Variants in TMTC2 observed in about 807,000 individuals in gnomAD.
TMTC2 encodes transmembrane O-mannosyltransferase targeting cadherins 2.
TMTC2 carries 43 observed loss-of-function variants against 82.4 expected under a neutral mutation model. The ratio of observed to expected loss-of-function variants is 0.52; its 90% CI spans 0.41 to 0.67. The LOEUF (loss-of-function observed/expected upper bound fraction) is 0.67, where lower values mean the gene tolerates loss of function less well. TMTC2 is among the 30% of genes least tolerant of loss of function. The pLI is 0.00. For missense variants in TMTC2, 919 were observed against 1,012.4 expected, an observed-to-expected ratio of 0.91 and a Z score of 1.25; for synonymous variants, 408 against 381.9, an observed-to-expected ratio of 1.07 and a Z score of -0.80.
rs759217242 is a variant in TMTC2 at position 83,132,319 on chromosome 12, T to C, written c.2441T>C (p.Ile814Thr). ...RALQLKPDDV[I>T]TQSNLRKLWN... Reference sequence around the variant, plus strand: ...CTGCAGCTCAAGCCAGACGATGTCATCACACAGTCCAATCTCCGCAAACTG... The same window carrying C: ...CTGCAGCTCAAGCCAGACGATGTCACCACACAGTCCAATCTCCGCAAACTG... The change falls in exon 12 of 12, where the codon ATC (isoleucine) becomes ACC (threonine). Residue 814 changes from isoleucine (I) to threonine (T), a missense_variant. Physicochemically the swap from Ile to Thr is moderately conservative, Grantham distance 89. Coordinates refer to ENST00000321196, the MANE Select transcript of TMTC2 (RefSeq NM_152588.3). The C allele has an allele frequency of 1.1e-5, 17 of 1,614,068 alleles. No homozygotes were observed. The highest frequency in any genetic ancestry group is 1.4e-5 in the Non-Finnish European group (16 of 1,179,994).
At chr12:82,804,401 G>T (rs1246159368) in intron 1 of TMTC2, among the ~76,000 whole-genome samples, 1 of 151,994 alleles carries the variant, frequency 6.6e-6, no homozygotes, top group Non-Finnish European at 1.5e-5. Flanking sequence ...AAAAATCATG[G>T]TGTATTATTT....
At chr12:82,749,240 G>A (rs1022006538) in intron 1 of TMTC2, among the ~76,000 whole-genome samples, 13 of 152,148 alleles carry the variant, frequency 8.5e-5, no homozygotes, top group Admixed American at 7.2e-4. Flanking sequence ...TTCCTGCCTT[G>A]GGGACACACG....
At position 82,773,583 on chromosome 12, in the gene TMTC2, C is replaced by G. The variant is rs187554000; in HGVS notation, c.84-83427C>G. On this transcript the variant is annotated intron_variant, in intron 1 of 11. Transcript: ENST00000321196. ...TCAAGTGATTCTCCTGCCTCAGCCT[C>G]CTGAGTAGCTGGGATTACAGGCGTG... Among the ~76,000 whole-genome samples, 87 of 151,992 alleles carry G rather than the reference C, an allele frequency of 5.7e-4. No homozygotes were observed. In the East Asian group the frequency reaches 0.016, roughly 28 times the overall value.
At chr12:82,881,889 T>C (rs1703088) in intron 2 of TMTC2, among the ~76,000 whole-genome samples, 22,220 of 152,110 alleles carry the variant, frequency 0.15, 4,958 homozygotes, top group African/African-American at 0.48. Flanking sequence ...ACCATCAGAG[T>C]AATAAGATAC....
At chr12:82,930,013 A>G (rs1039675241) in intron 3 of TMTC2, among the ~76,000 whole-genome samples, 1 of 152,048 alleles carries the variant, frequency 6.6e-6, no homozygotes, top group African/African-American at 2.4e-5. Flanking sequence ...CAGATCTTCT[A>G]TGCCATTTAT....
chr12:82,943,839 A>T (rs1565821168), intron 4 of TMTC2, among the ~76,000 whole-genome samples: 1 of 152,230 alleles, frequency 6.6e-6, no homozygotes, highest in Non-Finnish European at 1.5e-5. Context: ...GAATAAGCTG[A>T]CAAAGTGTAG....
At chr12:83,085,652 C>T (rs897468453) in intron 11 of TMTC2, among the ~76,000 whole-genome samples, 11 of 152,088 alleles carry the variant, frequency 7.2e-5, no homozygotes, top group African/African-American at 2.7e-4. Flanking sequence ...TCTTTTAAGG[C>T]CTTTCCCAAC....
intron 1 of TMTC2, among the ~76,000 whole-genome samples, chr12:82,739,138 ACT>A (rs1249256092): frequency 9.9e-6 from 1 of 101,048 alleles, no homozygotes; most frequent in Admixed American, 1.2e-4. Context: ...ACAGAGTGAG[ACT>A]CTGTCTTAAA....
At chr12:83,001,943 T>C (rs761638573) in intron 8 of TMTC2, among the ~76,000 whole-genome samples, 16 of 152,306 alleles carry the variant, frequency 1.1e-4, no homozygotes, top group Middle Eastern at 3.4e-3. Context: ...CGAAGTTTTC[T>C]TTTTTGTTGT....
chr12:83,125,333 C>A (rs1480483102), intron 11 of TMTC2, among the ~76,000 whole-genome samples: 1 of 152,118 alleles, frequency 6.6e-6, no homozygotes, highest in Non-Finnish European at 1.5e-5. Context: ...GTATTTAGGA[C>A]CAATTTTGAG....
At chr12:82,792,974 TACA>T (rs1878538647) in intron 1 of TMTC2, among the ~76,000 whole-genome samples, 1 of 152,172 alleles carries the variant, frequency 6.6e-6, no homozygotes, top group South Asian at 2.1e-4. Flanking sequence ...AGGAAATTAA[TACA>T]TGTTGTCCAG....
At chr12:83,068,487 T>TG (rs1565876390) in intron 11 of TMTC2, among the ~76,000 whole-genome samples, 1 of 152,060 alleles carries the variant, frequency 6.6e-6, no homozygotes. Context: ...TGCTTGTAAA[T>TG]GGGGGAGGAA....
chr12:82,873,323 A>G (rs373779679), intron 2 of TMTC2, among the ~76,000 whole-genome samples: 1 of 151,460 alleles, frequency 6.6e-6, no homozygotes, highest in Non-Finnish European at 1.5e-5. Flanking sequence ...AAACCTGGTT[A>G]AAGTCTTGTG....
intron 11 of TMTC2, among the ~76,000 whole-genome samples, chr12:83,102,072 T>A (rs1017832266): frequency 2.0e-5 from 3 of 152,214 alleles, no homozygotes; most frequent in African/African-American, 7.2e-5. Context: ...AGATTGGCAT[T>A]ATCTCCTTGG....
chr12:82,692,288 C>T (rs1303771203), intron 1 of TMTC2, among the ~76,000 whole-genome samples: 1 of 152,190 alleles, frequency 6.6e-6, no homozygotes, highest in African/African-American at 2.4e-5. Flanking sequence ...GTCATCTGCA[C>T]TTAGTTCTTC....
chr12:82,797,239 C>T (rs1387807124), intron 1 of TMTC2, among the ~76,000 whole-genome samples: 1 of 151,992 alleles, frequency 6.6e-6, no homozygotes, highest in Non-Finnish European at 1.5e-5. Flanking sequence ...GAAATATTTC[C>T]CATATAGCCT....
intron 9 of TMTC2, among the ~76,000 whole-genome samples, chr12:83,046,740 C>T (rs573383052): frequency 2.0e-4 from 30 of 152,208 alleles, no homozygotes; most frequent in Admixed American, 5.2e-4. Flanking sequence ...CTGCTAGCAG[C>T]GATTCAATGC....
chr12:82,971,579 C>G (rs1398707321), intron 7 of TMTC2, among the ~76,000 whole-genome samples: 2 of 151,972 alleles, frequency 1.3e-5, no homozygotes. Flanking sequence ...TTGAGCTCTT[C>G]CAATCCCAGA....
intron 2 of TMTC2, among the ~76,000 whole-genome samples, chr12:82,862,449 CAATACT>C (rs1329780236): frequency 6.6e-6 from 1 of 152,146 alleles, no homozygotes; most frequent in Non-Finnish European, 1.5e-5. Flanking sequence ...GTCAATGTAG[CAATACT>C]AATACTAACA....
Sources: allele counts gnomAD v4.1 joint callset (sites outside exome capture counted in the v4.1 genomes callset), GRCh38; gene constraint gnomAD v4.1.1; transcripts MANE v1.5; gene names NCBI Gene and HGNC (gene_info 2026-07-23, HGNC 2026-07-21).